The following GNAL variants were observed in gnomAD, a reference collection of about 807,000 sequenced individuals.
The protein encoded by GNAL is guanine nucleotide-binding protein G(olf) subunit alpha.
Under a neutral mutation model 55.1 loss-of-function variants are expected in GNAL, and 18 were observed. The observed-to-expected ratio is 0.33, with a 90% CI of 0.23 to 0.48. GNAL has a LOEUF of 0.48. Among genes scored for constraint, GNAL ranks in the 20% least tolerant of loss-of-function variants. The pLI is 0.99. For missense variants in GNAL, 412 were observed against 614.1 expected (o/e 0.67, Z 3.48); for synonymous variants, 253 against 237.0 (o/e 1.07, Z -0.62).
At chr18:11,822,820 C>CTTTT (rs56128456) in intron 4 of GNAL, among the ~76,000 whole-genome samples, 1 of 139,708 alleles carries the variant, frequency 7.2e-6, no homozygotes, top group African/African-American at 2.8e-5. Flanking sequence ...TTTTTTTTTT[C>CTTTT]TTTTTTTTTT....
intron 1 of GNAL, among the ~76,000 whole-genome samples, chr18:11,696,793 T>C (rs1020571143): frequency 1.3e-5 from 2 of 152,226 alleles, no homozygotes; most frequent in African/African-American, 4.8e-5. Context: ...TGATTAATAC[T>C]GGCCCTGAAA....
intron 4 of GNAL, among the ~76,000 whole-genome samples, chr18:11,823,698 G>A (rs1442058467): frequency 1.3e-5 from 2 of 152,220 alleles, no homozygotes; most frequent in Non-Finnish European, 1.5e-5. Flanking sequence ...TCCTAGAAAT[G>A]TGGCAGCTGA....
intron 1 of GNAL, among the ~76,000 whole-genome samples, chr18:11,728,052 G>C (rs1367629132): frequency 6.6e-6 from 1 of 151,988 alleles, no homozygotes; most frequent in Non-Finnish European, 1.5e-5. Flanking sequence ...CATAGGCAGA[G>C]TTTGTCTCTA....
At chr18:11,788,640 G>A (rs1443124669) in intron 4 of GNAL, among the ~76,000 whole-genome samples, 1 of 151,932 alleles carries the variant, frequency 6.6e-6, no homozygotes, top group Admixed American at 6.6e-5. Context: ...GGAAGACGGA[G>A]GCAGGCGGAT....
chr18:11,881,002 C>A lies in GNAL; in HGVS notation c.1244C>A (p.Ala415Asp). ...IRDLFLRIST[A>D]TGDGKHYCYP... ...TCTCTCTTGCAGAGGATCAGCACGG[C>A]CACCGGTGACGGCAAACATTACTGC... The change falls in exon 12 of 12, where the codon GCC (alanine) becomes GAC (aspartate). Residue 415 changes from alanine (A) to aspartate (D), a missense_variant. This residue lies in a region of GNAL where 79 missense variants were observed against 127.1 expected (regional missense o/e 0.62). Transcript: ENST00000334049. The surrounding 1 kb of genome is among the most constrained non-coding windows in gnomAD (Gnocchi z 4.8). The A allele has an allele frequency of 6.2e-7, 1 of 1,614,026 alleles. No individual in the cohort carries two copies. The highest frequency in any genetic ancestry group is 1.1e-5 in the South Asian group (1 of 91,058).
chr18:11,753,785 C>T (rs2032942849), intron 3 of GNAL, 41 bp from the exon 4 acceptor site: 3 of 1,543,300 alleles, frequency 1.9e-6, no homozygotes, highest in Non-Finnish European at 2.7e-6. Context: ...ATACATGGAG[C>T]CTAAATGTTT....
In GNAL at chr18:11,707,424, T is replaced by C. The variant is rs11876537; in HGVS notation, c.376+17485T>C. Among the ~76,000 whole-genome samples, 936 of 152,278 alleles carry C rather than the reference T, an allele frequency of 6.1e-3. 4 individuals carry two copies. The highest frequency in any genetic ancestry group is 0.021 in the African/African-American group (876 of 41,546). On this transcript the variant is annotated intron_variant, in intron 1 of 11. Coordinates refer to ENST00000334049, the MANE Select transcript of GNAL (RefSeq NM_182978.4). ...ATGAGCAGTAATAATTTGAAAGCAA[T>C]CTTTTTTTCCGAGCAATACGTCCCA... is the stretch of plus-strand genomic sequence containing the variant.
In GNAL at chr18:11,758,988, C is replaced by T. The variant is rs1284373076; in HGVS notation, c.624+5043C>T. On this transcript the variant is annotated intron_variant, in intron 4 of 11. Coordinates refer to ENST00000334049, the MANE Select transcript of GNAL (RefSeq NM_182978.4). ...AGGAGTTTGAGACCAGCCTGGCCAACGTGGTGAAACCCCGTCTCTACTAAA... is the reference window on the plus strand; with the variant it reads ...AGGAGTTTGAGACCAGCCTGGCCAATGTGGTGAAACCCCGTCTCTACTAAA... 4.0e-5 allele frequency among the ~76,000 whole-genome samples: 6 copies of T among 151,884 alleles called. No individual in the cohort carries two copies. In the South Asian group the frequency reaches 6.2e-4, roughly 16 times the overall value.
intron 5 of GNAL, among the ~76,000 whole-genome samples, chr18:11,840,771 C>A (rs892433788): frequency 1.3e-5 from 2 of 152,186 alleles, no homozygotes; most frequent in Admixed American, 1.3e-4. Context: ...GAAGAGGAAG[C>A]ACCCGGAGGC....
chr18:11,885,345 T>A lies in GNAL; in HGVS notation c.*4210T>A, dbSNP rs754562237. On this transcript the variant is annotated 3_prime_UTR_variant, in exon 12 of 12. Transcript: ENST00000334049. ...TGTTTAGAAAATAAGAGAAGATGGC[T>A]GAGTATAGCTAATGAATAAATGGTT... 1.6e-5 allele frequency: 5 copies of A among 304,368 alleles called. No homozygotes were observed. The highest frequency in any genetic ancestry group is 4.4e-5 in the African/African-American group (2 of 45,588). 18.9% of individuals were successfully genotyped at this position (304,368 alleles called of 1,614,324 possible).
At position 11,759,837 on chromosome 18, in the gene GNAL, C is replaced by T. The variant is rs1436982112; in HGVS notation, c.624+5892C>T. On this transcript the variant is annotated intron_variant, in intron 4 of 11. Transcript: ENST00000334049. ...CTTCCGCACAATATCTGTGTTCCCT[C>T]TCCAAGCCTGTGTCTATCTCCTGCT... Among the ~76,000 whole-genome samples, 4 of 152,216 alleles carry T rather than the reference C, an allele frequency of 2.6e-5. No homozygotes were observed. The East Asian group carries it at 5.8e-4, about 22-fold the overall frequency.
At chr18:11,724,205 C>G (rs2032160612) in intron 1 of GNAL, among the ~76,000 whole-genome samples, 2 of 152,192 alleles carry the variant, frequency 1.3e-5, no homozygotes, top group Non-Finnish European at 2.9e-5. Flanking sequence ...ACAAGCTGTA[C>G]AGAAAGCATG....
intron 4 of GNAL, 100 bp downstream of exon 4, chr18:11,754,045 A>C: frequency 1.2e-6 from 1 of 861,500 alleles, no homozygotes; most frequent in Non-Finnish European, 1.9e-6. Context: ...TTCATTATTA[A>C]CTTTCTTCGA....
Position 11,884,908 on chromosome 18 carries a change from T to A in GNAL, c.*3773T>A, listed in dbSNP as rs2036952359. On this transcript the variant is annotated 3_prime_UTR_variant, in exon 12 of 12. Transcript: ENST00000334049. ...CAAAACTGGCCCCTGGCTCACTGGGTTCCCATCAAATATAGTGGGGGATCC... is the reference window on the plus strand; with the variant it reads ...CAAAACTGGCCCCTGGCTCACTGGGATCCCATCAAATATAGTGGGGGATCC... The A allele has an allele frequency of 7.7e-7, 1 of 1,294,738 alleles. No homozygotes were observed. The highest frequency in any genetic ancestry group is 9.9e-7 in the Non-Finnish European group (1 of 1,007,844). The allele number at this position is 1,294,738 out of a possible 1,614,324, so 80.2% of individuals were successfully genotyped here. A position where few individuals can be genotyped will look rare whatever the true frequency, so the allele number is the denominator to read the frequency against.
At chr18:11,697,489 CG>C (rs993258549) in intron 1 of GNAL, among the ~76,000 whole-genome samples, 6 of 151,128 alleles carry the variant, frequency 4.0e-5, no homozygotes, top group African/African-American at 1.5e-4. Context: ...ACCTGGGAGG[CG>C]GAGTTTGTAG....
chr18:11,851,370 C>A, intron 5 of GNAL: 1 of 1,112,396 alleles, frequency 9.0e-7, no homozygotes. Flanking sequence ...TGGGCTCTGA[C>A]GTCACCACCT....
chr18:11,820,594 G>C (rs59661164), intron 4 of GNAL, among the ~76,000 whole-genome samples: 16,843 of 152,232 alleles, frequency 0.11, 1,259 homozygotes, highest in East Asian at 0.32. Context: ...TTGGCCATGT[G>C]TTGATAAATG....
At chr18:11,698,900 C>T (rs2031489245) in intron 1 of GNAL, among the ~76,000 whole-genome samples, 1 of 152,276 alleles carries the variant, frequency 6.6e-6, no homozygotes, top group South Asian at 2.1e-4. Flanking sequence ...GAGGGAAATT[C>T]TTTAATGGCA....
chr18:11,852,247 CCCCCT>C (rs1453148832), intron 5 of GNAL: 41 of 1,032,396 alleles, frequency 4.0e-5, no homozygotes, highest in Non-Finnish European at 5.0e-5. Context: ...GGGTTTACAG[CCCCCT>C]CCACATAAAT....
Sources: allele counts gnomAD v4.1 joint callset (sites outside exome capture counted in the v4.1 genomes callset), GRCh38; gene constraint gnomAD v4.1.1; regional missense constraint gnomAD v4.1.1; non-coding constraint Gnocchi (gnomAD v3.1); transcripts MANE v1.5; gene names NCBI Gene and HGNC (gene_info 2026-07-23, HGNC 2026-07-21).